DPP10: variants seen among roughly 807,000 people sequenced by gnomAD.
DPP10 encodes dipeptidyl peptidase like 10, also known as inactive dipeptidyl peptidase 10.
Under a neutral mutation model 120.9 loss-of-function variants are expected in DPP10, and 33 were observed. The ratio of observed to expected loss-of-function variants is 0.27; its 90% CI spans 0.21 to 0.37. The LOEUF is 0.37. Ranked by LOEUF, DPP10 falls within the 10% of genes least tolerant of loss-of-function variation. The pLI, the probability that DPP10 is intolerant of heterozygous loss-of-function variation, is 1.00. For synonymous variants in DPP10, 337 were observed against 326.1 expected (o/e 1.03, Z -0.36); for missense variants, 816 against 942.8 (o/e 0.87, Z 1.76).
rs890896252 is a variant in DPP10, at chr2:114,954,085, T to TTTC, written c.61-355152_61-355151insCTT. 4.8e-5 allele frequency among the ~76,000 whole-genome samples: 7 copies of TTTC among 147,260 alleles called. 1 individual carries two copies. The highest frequency in any genetic ancestry group is 1.7e-4 in the African/African-American group (7 of 40,202). On this transcript the variant is annotated intron_variant, in intron 1 of 25. Transcript: ENST00000410059. ...AAAGATGAGATTAAGAAGTCCTTTT[T>TTTC]TTTTTTTTTTTTTGATACAGAGTCT...
intron 5 of DPP10, among the ~76,000 whole-genome samples, chr2:115,576,991 A>C (rs1039298643): frequency 6.6e-6 from 1 of 152,236 alleles, no homozygotes; most frequent in Admixed American, 6.5e-5. Context: ...CTGAAAGGCA[A>C]GAAAAATACT....
chr2:115,681,707 A>ACCTTCCTT (rs35974609), intron 5 of DPP10, among the ~76,000 whole-genome samples: 3 of 147,752 alleles, frequency 2.0e-5, no homozygotes, highest in Non-Finnish European at 4.5e-5. Context: ...CTGCCTTCCT[A>ACCTTCCTT]CCTTCCTTCC....
At chr2:114,607,403 T>C (rs1270752755) in intron 1 of DPP10, among the ~76,000 whole-genome samples, 1 of 152,188 alleles carries the variant, frequency 6.6e-6, no homozygotes, top group Non-Finnish European at 1.5e-5. Flanking sequence ...CCTTGGGGTG[T>C]AATGGGCTAG....
intron 1 of DPP10, among the ~76,000 whole-genome samples, chr2:115,226,062 C>G (rs1177119187): frequency 1.3e-5 from 2 of 151,804 alleles, no homozygotes; most frequent in Non-Finnish European, 2.9e-5. Context: ...AACTTAAATT[C>G]AATTTTACTT....
intron 1 of DPP10, among the ~76,000 whole-genome samples, chr2:114,721,914 T>C (rs1375396980): frequency 6.6e-6 from 1 of 152,230 alleles, no homozygotes; most frequent in Non-Finnish European, 1.5e-5. Context: ...AGTTACTTAA[T>C]TCTGTAAACT....
Position 114,593,035 on chromosome 2 carries a change from C to CA in DPP10, c.60+150204dup, listed in dbSNP as rs1031498263. ...CTCTTCCAGATAATACAAAACAAAA[C>CA]AAAAAAATGCTTTTTCTCTCATGTT... On this transcript the variant is annotated intron_variant, in intron 1 of 25. Coordinates refer to ENST00000410059, the MANE Select transcript of DPP10 (RefSeq NM_020868.6). Among the ~76,000 whole-genome samples the CA allele has an allele frequency of 3.9e-5, 6 of 152,082 alleles. No homozygotes were observed. The East Asian group carries it at 7.7e-4, about 20-fold the overall frequency.
intron 1 of DPP10, among the ~76,000 whole-genome samples, chr2:114,696,154 A>G (rs1700054534): frequency 1.3e-5 from 2 of 152,080 alleles, no homozygotes; most frequent in Non-Finnish European, 2.9e-5. Flanking sequence ...TGCTTTCATT[A>G]TGAGAAATGC....
In DPP10 at chr2:114,542,041, T is replaced by C. The variant is rs1686995000; in HGVS notation, c.60+99203T>C. ...ATATACATACAGTTTTTTTTCTTTC[T>C]TTCTTTCCTTTTTTTTTTTTTTTTG... On this transcript the variant is annotated intron_variant, in intron 1 of 25. Transcript: ENST00000410059. 2.6e-5 allele frequency among the ~76,000 whole-genome samples: 3 copies of C among 115,612 alleles called. No homozygotes were observed. In the Admixed American group the frequency reaches 3.0e-4, roughly 12 times the overall value. 75.8% of individuals were successfully genotyped at this position (115,612 alleles called of 152,430 possible).
At chr2:115,136,163 T>G (rs2050640544) in intron 1 of DPP10, among the ~76,000 whole-genome samples, 1 of 61,366 alleles carries the variant, frequency 1.6e-5, no homozygotes, top group South Asian at 3.8e-4. Context: ...TGGTTTATGC[T>G]GAAAAAAAAA....
At chr2:115,744,526 C>T (rs1355816842) in intron 9 of DPP10, among the ~76,000 whole-genome samples, 1 of 150,344 alleles carries the variant, frequency 6.7e-6, no homozygotes, top group Non-Finnish European at 1.5e-5. Context: ...CATAGCTTAT[C>T]TTCCAGGAAG....
Position 115,162,089 on chromosome 2 carries a change from C to T in DPP10, c.61-147150C>T, listed in dbSNP as rs1342579891. 8 of 1,493,980 alleles carry T rather than the reference C, an allele frequency of 5.4e-6. No homozygotes were observed. In the East Asian group the frequency reaches 2.2e-4, roughly 42 times the overall value. 92.5% of individuals were successfully genotyped at this position (1,493,980 alleles called of 1,614,324 possible). Reference sequence around the variant, plus strand: ...AGGGGTGGCTCCAGTGCGCGCTCCGCCCGCCTCCCGCTTCCCAGGCTGGGC... The same window carrying T: ...AGGGGTGGCTCCAGTGCGCGCTCCGTCCGCCTCCCGCTTCCCAGGCTGGGC... On this transcript the variant is annotated intron_variant, in intron 1 of 25. Transcript: ENST00000410059.
At chr2:114,997,648 C>T (rs993590009) in intron 1 of DPP10, among the ~76,000 whole-genome samples, 2 of 152,032 alleles carry the variant, frequency 1.3e-5, no homozygotes, top group Non-Finnish European at 2.9e-5. Flanking sequence ...TCAAAGAAGT[C>T]ATTGTGAAAA....
chr2:115,257,029 A>T (rs961357946), intron 1 of DPP10, among the ~76,000 whole-genome samples: 1 of 152,206 alleles, frequency 6.6e-6, no homozygotes. Context: ...CCTTTGCTCC[A>T]GTTCCCAGTA....
At chr2:115,664,862 C>T (rs1273314635) in intron 5 of DPP10, among the ~76,000 whole-genome samples, 4 of 130,640 alleles carry the variant, frequency 3.1e-5, no homozygotes, top group Non-Finnish European at 7.4e-5. Context: ...CAACACATCG[C>T]CACTAGTCAC....
At position 114,748,362 on chromosome 2, in the gene DPP10, TTTTATTTA is replaced by T. The variant is rs57013331; in HGVS notation, c.60+305556_60+305563del. Among the ~76,000 whole-genome samples the T allele has an allele frequency of 7.3e-3, 914 of 124,682 alleles. 20 individuals are homozygous for T. Among genetic ancestry groups the T allele is most frequent in the East Asian group, 0.022 (96 of 4,278 alleles). 81.8% of individuals were successfully genotyped at this position (124,682 alleles called of 152,430 possible). ...TCTTTTTTTTTTTTATTTTTTTTTA[TTTTATTTA>T]TTTATTTATTTATTTATTTATTTAT... On this transcript the variant is annotated intron_variant, in intron 1 of 25. Coordinates refer to ENST00000410059, the MANE Select transcript of DPP10 (RefSeq NM_020868.6).
chr2:115,306,996 A>G (rs1053358047), intron 1 of DPP10, among the ~76,000 whole-genome samples: 1 of 152,068 alleles, frequency 6.6e-6, no homozygotes, highest in Admixed American at 6.6e-5. Context: ...TACAAGTGGC[A>G]TTATAGTGGT....
Position 114,955,465 on chromosome 2 carries a change from G to A in DPP10, c.61-353774G>A, listed in dbSNP as rs529360775. ...ACCCAGTTCTGCTGAAGAAGGAGTT[G>A]CTCTGGTTCACAGGCCTCTGACAGC... On this transcript the variant is annotated intron_variant, in intron 1 of 25. Coordinates refer to ENST00000410059, the MANE Select transcript of DPP10 (RefSeq NM_020868.6). 8.5e-5 allele frequency among the ~76,000 whole-genome samples: 13 copies of A among 152,292 alleles called. No individual in the cohort carries two copies. The East Asian group carries it at 1.7e-3, about 20-fold the overall frequency.
At chr2:114,874,168 A>G (rs1474971967) in intron 1 of DPP10, among the ~76,000 whole-genome samples, 1 of 152,140 alleles carries the variant, frequency 6.6e-6, no homozygotes, top group African/African-American at 2.4e-5. Context: ...TCAGCTTACA[A>G]AAGAATTTGA....
chr2:115,217,499 A>T (rs866986835), intron 1 of DPP10, among the ~76,000 whole-genome samples: 1 of 152,222 alleles, frequency 6.6e-6, no homozygotes, highest in South Asian at 2.1e-4. Flanking sequence ...TTGGCTATGC[A>T]TCGATCTTTC....
Sources: gnomAD v4.1 joint callset for allele counts (sites outside exome capture counted in the v4.1 genomes callset) on GRCh38, gnomAD v4.1.1 for gene constraint, MANE v1.5 for transcripts, NCBI Gene and HGNC (gene_info 2026-07-23, HGNC 2026-07-21) for gene names.